Variants in CFAP70 observed in about 807,000 individuals in gnomAD.
CFAP70 encodes the protein cilia and flagella associated protein 70.
In CFAP70, 81 loss-of-function variants were observed where a neutral mutation model predicts 137.6. That is an observed-to-expected ratio of 0.59 (90% CI 0.49 to 0.71). The LOEUF is 0.71. Ranked by LOEUF, CFAP70 falls within the 30% of genes least tolerant of loss-of-function variation. The pLI, the probability that CFAP70 is intolerant of heterozygous loss-of-function variation, is 0.00. For missense variants in CFAP70, 976 were observed against 1,226.7 expected (o/e 0.80, Z 3.05); for synonymous variants, 382 against 423.6 (o/e 0.90, Z 1.20).
At chr10:73,329,230 T>A (rs1161751928) in intron 8 of CFAP70, among the ~76,000 whole-genome samples, 2 of 152,020 alleles carry the variant, frequency 1.3e-5, no homozygotes, top group African/African-American at 4.8e-5. Context: ...CTCAGCAAAC[T>A]ATTGCAAGGA....
At chr10:73,296,050 A>G (rs1398220678) in intron 15 of CFAP70, 1 of 152,238 alleles carries the variant, frequency 6.6e-6, no homozygotes, top group Non-Finnish European at 1.5e-5. Context: ...ACCCATTGAA[A>G]CTTAAACTTA....
rs1287532934 is a variant in CFAP70, at chr10:73,354,970, C to T, written c.-39-135G>A. 4.9e-6 allele frequency: 3 copies of T among 606,422 alleles called. No homozygotes were observed. In the East Asian group the frequency reaches 8.5e-5, roughly 17 times the overall value. The allele number at this position is 606,422 out of a possible 1,614,324, so 37.6% of individuals were successfully genotyped here. ...CACTGTTTTATTCCCCATATCCAAC[C>T]TTTGCTGTTGGACAGGCAGTGCTTT... On this transcript the variant is annotated intron_variant, in intron 1 of 26. Transcript: ENST00000310715.
intron 13 of CFAP70, 121 bp downstream of exon 14, chr10:73,299,484 C>T (rs923062124): frequency 7.8e-6 from 6 of 765,520 alleles, no homozygotes; most frequent in East Asian, 2.6e-5. Flanking sequence ...AATGAAAATA[C>T]GTAAAGCTTC....
intron 21 of CFAP70, chr10:73,276,644 T>C (rs2046769394): frequency 6.6e-6 from 1 of 152,138 alleles, no homozygotes; most frequent in Non-Finnish European, 1.5e-5. Flanking sequence ...AACCAAACAC[T>C]CCTGGCTCCT....
chr10:73,280,378 G>A (rs2047173032), intron 19 of CFAP70, among the ~76,000 whole-genome samples: 1 of 152,138 alleles, frequency 6.6e-6, no homozygotes. Flanking sequence ...TTATTTGTAT[G>A]TACTCTTCTT....
chr10:73,294,625 T>C (rs1397290048), intron 15 of CFAP70: 1 of 152,232 alleles, frequency 6.6e-6, no homozygotes, highest in Non-Finnish European at 1.5e-5. Flanking sequence ...TTGTCTTTGC[T>C]TAGCAGCATA....
chr10:73,345,374 A>T, intron 4 of CFAP70, 130 bp from the exon 6 acceptor site: 3 of 834,920 alleles, frequency 3.6e-6, no homozygotes, highest in African/African-American at 1.7e-5. Context: ...CATAAGTTGA[A>T]ACCATGTTCT....
At chr10:73,291,131 C>T in intron 19 of CFAP70, 95 bp downstream of exon 20, 1 of 1,092,134 alleles carries the variant, frequency 9.2e-7, no homozygotes, top group Non-Finnish European at 1.4e-6. Flanking sequence ...CCTCCCATCT[C>T]AGCCTCCCAG....
At chr10:73,314,811 G>A (rs1275771769) in intron 9 of CFAP70, among the ~76,000 whole-genome samples, 1 of 151,866 alleles carries the variant, frequency 6.6e-6, no homozygotes, top group East Asian at 2.0e-4. Context: ...TCACCATGTT[G>A]CCCAGGCTTG....
chr10:73,253,898 G>C, exon 27 of CFAP70: 3 of 1,177,678 alleles, frequency 2.5e-6, no homozygotes, highest in Non-Finnish European at 3.7e-6. Flanking sequence ...TCCAGCTCCA[G>C]GCTTCATACG....
chr10:73,325,960 T>C (rs896955686), intron 8 of CFAP70, among the ~76,000 whole-genome samples: 16 of 152,118 alleles, frequency 1.1e-4, no homozygotes, highest in African/African-American at 3.9e-4. Context: ...TACCCAGGAA[T>C]TGAACTCAGC....
chr10:73,339,604 G>C lies in CFAP70; in HGVS notation c.582+1795C>G, dbSNP rs780561915. On this transcript the variant is annotated intron_variant, in intron 6 of 26. Transcript: ENST00000310715. ...GGTGAGCTAGGCATGGATCATTGAGGGGTGTGTGAGTAAGCGATCATGGGG... is the reference window on the plus strand; with the variant it reads ...GGTGAGCTAGGCATGGATCATTGAGCGGTGTGTGAGTAAGCGATCATGGGG... Among the ~76,000 whole-genome samples the C allele has an allele frequency of 2.9e-4, 44 of 152,204 alleles. 1 individual carries two copies. Among genetic ancestry groups the C allele is most frequent in the Admixed American group, 5.9e-4 (9 of 15,274 alleles).
At chr10:73,308,386 T>C (rs1335619943) in intron 12 of CFAP70, among the ~76,000 whole-genome samples, 2 of 152,058 alleles carry the variant, frequency 1.3e-5, no homozygotes, top group African/African-American at 4.8e-5. Flanking sequence ...CCCAGCAATT[T>C]GGGAGGCCGA....
intron 12 of CFAP70, among the ~76,000 whole-genome samples, chr10:73,305,078 T>C (rs531222033): frequency 6.6e-6 from 1 of 152,338 alleles, no homozygotes; most frequent in East Asian, 1.9e-4. Context: ...TGTGGCACAC[T>C]GGTCCCTGAT....
chr10:73,311,493 A>G (rs2049920591), intron 11 of CFAP70, among the ~76,000 whole-genome samples: 1 of 152,226 alleles, frequency 6.6e-6, no homozygotes, highest in Admixed American at 6.5e-5. Flanking sequence ...TTAGTTATAT[A>G]CCAGTCTGTT....
intron 9 of CFAP70, among the ~76,000 whole-genome samples, chr10:73,314,527 C>T (rs761643437): frequency 3.3e-5 from 5 of 152,122 alleles, no homozygotes; most frequent in African/African-American, 4.8e-5. Flanking sequence ...TTGCATCTGC[C>T]TTCTTTCACT....
intron 6 of CFAP70, among the ~76,000 whole-genome samples, chr10:73,340,977 T>C (rs1430400672): frequency 1.3e-5 from 2 of 152,130 alleles, no homozygotes; most frequent in Non-Finnish European, 2.9e-5. Flanking sequence ...ATGGAGCGTG[T>C]AGGCCCAGTC....
At chr10:73,284,788 A>C (rs2047547373) in intron 19 of CFAP70, among the ~76,000 whole-genome samples, 1 of 66,394 alleles carries the variant, frequency 1.5e-5, no homozygotes, top group African/African-American at 6.5e-5. Context: ...ATATATATAT[A>C]TATATATATA....
In CFAP70 at chr10:73,275,384, C is replaced by T. The variant is rs566309518; in HGVS notation, c.2673+62G>A. On this transcript the variant is annotated intron_variant, in intron 22 of 26. Transcript: ENST00000310715. The surrounding 1 kb of genome is among the most constrained non-coding windows in gnomAD (Gnocchi z 4.0). The stretch of plus-strand genomic sequence containing the variant: ...CACCAGAAATCTACGTGTGATATGG[C>T]ATCACCACCTTTAAATAAAGCCCCT... The T allele has an allele frequency of 2.1e-4, 316 of 1,511,312 alleles. No individual in the cohort carries two copies. The African/African-American group carries it at 4.0e-3, about 19-fold the overall frequency. 93.6% of individuals were successfully genotyped at this position (1,511,312 alleles called of 1,614,324 possible).
Sources: allele counts gnomAD v4.1 joint callset (sites outside exome capture counted in the v4.1 genomes callset), GRCh38; gene constraint gnomAD v4.1.1; non-coding constraint Gnocchi (gnomAD v3.1); transcripts MANE v1.5; gene names NCBI Gene and HGNC (gene_info 2026-07-23, HGNC 2026-07-21).